VPS35L: variants seen among roughly 807,000 people sequenced by gnomAD.
The protein encoded by VPS35L is VPS35 endosomal protein-sorting factor-like.
In VPS35L, 83 loss-of-function variants were observed where a neutral mutation model predicts 133.0. That is an observed-to-expected ratio of 0.62 (90% CI 0.52 to 0.75). The LOEUF is 0.75. Ranked by LOEUF, VPS35L falls within the 30% of genes least tolerant of loss-of-function variation. VPS35L has a pLI of 0.00. For synonymous variants in VPS35L, 423 were observed against 449.9 expected (o/e 0.94, Z 0.76); for missense variants, 1,083 against 1,206.8 (o/e 0.90, Z 1.52).
intron 8 of VPS35L, among the ~76,000 whole-genome samples, chr16:19,595,408 C>T (rs1033828645): frequency 6.6e-6 from 1 of 152,216 alleles, no homozygotes; most frequent in African/African-American, 2.4e-5. Flanking sequence ...TGGTCCTTGA[C>T]GTGTCCATGC....
In VPS35L at chr16:19,616,747, T is replaced by C. The variant is rs1343105118; in HGVS notation, c.1163T>C (p.Leu388Pro). The C allele has an allele frequency of 3.7e-6, 6 of 1,613,948 alleles. No homozygotes were observed. The African/African-American group carries it at 5.3e-5, about 14-fold the overall frequency. ...VVQGVELPSY[L>P]PLYPPAMDWI... is the part of the protein sequence containing the mutation. ...CAAGGAGTGGAGCTCCCATCTTACC[T>C]CCCCTTGTACCCGCCTGCCATGGAC... Residue 388 changes from leucine to proline, a missense_variant, in exon 14 of 31, where the codon CTC (leucine) becomes CCC (proline). Physicochemically the swap from Leu to Pro is moderately conservative, Grantham distance 98. Coordinates refer to ENST00000417362, the MANE Select transcript of VPS35L (RefSeq NM_020314.7).
intron 18 of VPS35L, among the ~76,000 whole-genome samples, chr16:19,631,943 G>C (rs1368108592): frequency 7.0e-6 from 1 of 142,692 alleles, no homozygotes; most frequent in East Asian, 2.1e-4. Context: ...ATTATTCTAA[G>C]GAAAAAAGTT....
chr16:19,667,904 A>AG (rs1974750093), intron 26 of VPS35L, among the ~76,000 whole-genome samples: 1 of 151,986 alleles, frequency 6.6e-6, no homozygotes, highest in Non-Finnish European at 1.5e-5. Flanking sequence ...TAAATGTGGA[A>AG]GGGGTTTGAG....
intron 14 of VPS35L, among the ~76,000 whole-genome samples, chr16:19,619,424 A>G (rs756874906): frequency 2.0e-5 from 3 of 152,240 alleles, no homozygotes; most frequent in South Asian, 4.1e-4. Context: ...CTGGTTCTCT[A>G]TGGTCCTCAG....
rs1399056500 is a variant in VPS35L at position 19,700,611 on chromosome 16, C to T, written c.*135C>T. On this transcript the variant is annotated 3_prime_UTR_variant, in exon 31 of 31. Coordinates refer to ENST00000417362, the MANE Select transcript of VPS35L (RefSeq NM_020314.7). ...TTACATATGTACAAATTGTTTTAAG[C>T]TTTGGCCTCTATCCAGGTTATTCTG... 3.1e-5 allele frequency: 22 copies of T among 715,448 alleles called. No individual in the cohort carries two copies. The highest frequency in any genetic ancestry group is 4.7e-5 in the Non-Finnish European group (20 of 428,058). The allele number at this position is 715,448 out of a possible 1,614,324, so 44.3% of individuals were successfully genotyped here. A position where few individuals can be genotyped will look rare whatever the true frequency, so the allele number is the denominator to read the frequency against.
chr16:19,658,184 A>G (rs1974365613), intron 26 of VPS35L, among the ~76,000 whole-genome samples: 1 of 152,190 alleles, frequency 6.6e-6, no homozygotes, highest in Admixed American at 6.5e-5. Flanking sequence ...CATCTTTTAC[A>G]TGCGGCCCAC....
chr16:19,666,276 G>A (rs898175479), intron 26 of VPS35L, among the ~76,000 whole-genome samples: 5 of 151,982 alleles, frequency 3.3e-5, no homozygotes, highest in African/African-American at 1.2e-4. Context: ...GGGAATCTGA[G>A]TTCTCCTTTT....
intron 26 of VPS35L, among the ~76,000 whole-genome samples, chr16:19,667,469 C>T (rs1413492634): frequency 6.6e-6 from 1 of 152,156 alleles, no homozygotes; most frequent in Non-Finnish European, 1.5e-5. Context: ...TGCGGTGGCT[C>T]ACGCCTGTAA....
intron 27 of VPS35L, among the ~76,000 whole-genome samples, chr16:19,669,963 G>A (rs1040142429): frequency 6.6e-6 from 1 of 152,132 alleles, no homozygotes. Context: ...GAGCCACCAT[G>A]CCAGGCCTTT....
intron 24 of VPS35L, 45 bp from the exon 25 acceptor site, chr16:19,650,337 T>C (rs955694471): frequency 2.8e-6 from 4 of 1,432,582 alleles, no homozygotes; most frequent in Non-Finnish European, 3.9e-6. Context: ...CTCATCTGAA[T>C]CGGCCATCGC....
intron 7 of VPS35L, among the ~76,000 whole-genome samples, chr16:19,584,872 G>A (rs545631410): frequency 1.3e-5 from 2 of 151,798 alleles, no homozygotes; most frequent in African/African-American, 4.8e-5. Context: ...TTGTCTTTTT[G>A]ATAGTAGTCA....
chr16:19,578,435 C>T (rs1038065867), intron 5 of VPS35L: 8 of 401,508 alleles, frequency 2.0e-5, no homozygotes, highest in African/African-American at 8.4e-5. Flanking sequence ...CTGAAATAGA[C>T]GGCCGCAGAG....
intron 1 of VPS35L, among the ~76,000 whole-genome samples, chr16:19,564,295 T>C (rs189969310): frequency 2.7e-4 from 41 of 152,104 alleles, no homozygotes; most frequent in African/African-American, 9.9e-4. Context: ...GCTAGGATGA[T>C]CTCGATCTCC....
chr16:19,608,313 A>T (rs774923651), intron 10 of VPS35L, 39 bp downstream of exon 10: 32 of 1,394,002 alleles, frequency 2.3e-5, no homozygotes, highest in Admixed American at 1.2e-4. Context: ...GATTTTAAAG[A>T]TAGGCTAAAA....
Position 19,629,803 on chromosome 16 carries a change from A to G in VPS35L, c.1537A>G (p.Thr513Ala). Residue 513 changes from threonine (T) to alanine (A), a missense_variant, in exon 18 of 31, where the codon ACC (threonine) becomes GCC (alanine). Physicochemically the swap from Thr to Ala is moderately conservative, Grantham distance 58. Coordinates refer to ENST00000417362, the MANE Select transcript of VPS35L (RefSeq NM_020314.7). ...INCAEVWVEY[T>A]CKHFTKREVN... ...TTGTGCCGAAGTGTGGGTGGAATAC[A>G]CCTGCAAGCATTTCACGGTATGTGT... is the stretch of plus-strand genomic sequence containing the variant. 1 of 1,613,888 alleles carries G rather than the reference A, an allele frequency of 6.2e-7. No homozygotes were observed. The highest frequency in any genetic ancestry group is 8.5e-7 in the Non-Finnish European group (1 of 1,179,774).
At chr16:19,573,372 C>T in intron 4 of VPS35L, 131 bp downstream of exon 4, 1 of 1,055,590 alleles carries the variant, frequency 9.5e-7, no homozygotes, top group South Asian at 1.7e-5. Context: ...CTTAAAAGCT[C>T]ACATATAAGG....
intron 6 of VPS35L, among the ~76,000 whole-genome samples, chr16:19,580,750 T>C (rs573309665): frequency 2.6e-5 from 4 of 152,146 alleles, no homozygotes; most frequent in Non-Finnish European, 5.9e-5. Context: ...AGAGTTTGTC[T>C]CAAGTATCAC....
intron 8 of VPS35L, among the ~76,000 whole-genome samples, chr16:19,595,867 C>G (rs1215688748): frequency 1.3e-5 from 2 of 152,160 alleles, no homozygotes; most frequent in African/African-American, 4.8e-5. Flanking sequence ...AAGTCCCGGC[C>G]AGGCGCAGTG....
intron 14 of VPS35L, chr16:19,618,141 T>A (rs957939108): frequency 6.6e-6 from 1 of 151,864 alleles, no homozygotes; most frequent in Non-Finnish European, 1.5e-5. Flanking sequence ...TTGTCTTTAT[T>A]TGATCATTGA....
Sources: gnomAD v4.1 joint callset for allele counts (sites outside exome capture counted in the v4.1 genomes callset) on GRCh38, gnomAD v4.1.1 for gene constraint, MANE v1.5 for transcripts, NCBI Gene and HGNC (gene_info 2026-07-23, HGNC 2026-07-21) for gene names.